IQSEC2: variants seen among roughly 807,000 people sequenced by gnomAD.
The protein encoded by IQSEC2 is IQ motif and SEC7 domain-containing protein 2.
In IQSEC2, 6 loss-of-function variants were observed where a neutral mutation model predicts 74.6. The ratio of observed to expected loss-of-function variants is 0.08; its 90% CI spans 0.04 to 0.16. The LOEUF (loss-of-function observed/expected upper bound fraction) is 0.16, where lower values mean the gene tolerates loss of function less well. Ranked by LOEUF, IQSEC2 falls within the 10% of genes least tolerant of loss-of-function variation. IQSEC2 has a pLI of 1.00. For missense variants in IQSEC2, 734 were observed against 1,306.2 expected (o/e 0.56, Z 6.75); for synonymous variants, 494 against 544.5 (o/e 0.91, Z 1.29).
At chrX:53,241,688 T>TCCACACA (rs1438889726) in intron 10 of IQSEC2, 96 bp downstream of exon 10, 4 of 1,138,883 alleles carry the variant, frequency 3.5e-6, no homozygotes, top group South Asian at 1.9e-5. Context: ...CCCGCCACAC[T>TCCACACA]CCACACACCA....
chrX:53,279,369 G>C, intron 2 of IQSEC2: 1 of 405,508 alleles, frequency 2.5e-6, no homozygotes, highest in Non-Finnish European at 4.3e-6. Flanking sequence ...ATTTTTTTAA[G>C]GAAGGACAAA....
At chrX:53,265,035 G>C (rs782229387) in intron 2 of IQSEC2, among the ~76,000 whole-genome samples, 7 of 111,327 alleles carry the variant, frequency 6.3e-5, no homozygotes, top group Middle Eastern at 9.2e-3. Context: ...CAAAGGGCTA[G>C]GATTACAGGT....
intron 8 of IQSEC2, among the ~76,000 whole-genome samples, chrX:53,244,304 C>G (rs782460137): frequency 9.1e-6 from 1 of 110,222 alleles, no homozygotes; most frequent in Non-Finnish European, 1.9e-5. Context: ...GCAGGTGGAT[C>G]GCTCGAGCCC....
Position 53,250,925 on chromosome X carries a change from G to C in IQSEC2, c.1651C>G (p.Leu551Val). The C allele has an allele frequency of 1.7e-6, 2 of 1,209,409 alleles. No homozygotes were observed. The highest frequency in any genetic ancestry group is 2.2e-6 in the Non-Finnish European group (2 of 893,989). ...GGCACTGGTGGAGGAACTGGCGGGA[G>C]AGGGGCTGGCGCCCAGAACTCGGGC... Reference protein sequence around the residue: ...GRPEFWAPAPLPPVPPPVPSG... With the variant: ...GRPEFWAPAPVPPVPPPVPSG... Residue 551 changes from leucine to valine, a missense_variant, in exon 5 of 15, where the codon CTC (leucine) becomes GTC (valine). Leu to Val is a conservative substitution (Grantham distance 32). Coordinates refer to ENST00000642864, the MANE Select transcript of IQSEC2 (RefSeq NM_001111125.3).
Position 53,250,602 on chromosome X carries a change from TGGGGCTGGGGCTGGGCCTTCA to T in IQSEC2, c.1953_1973del (p.Glu652_Pro658del). Reference sequence around the variant, plus strand: ...TGGGGGCTGGTGGCAGGGGCCCTGGTGGGGCTGGGGCTGGGCCTTCAGGGGCTGGGTAGTGGCGGTGTGGGA... The same window carrying T: ...TGGGGGCTGGTGGCAGGGGCCCTGGTGGGGCTGGGTAGTGGCGGTGTGGGA... On this transcript the variant is annotated inframe_deletion, in exon 5 of 15. Transcript: ENST00000642864. The T allele has an allele frequency of 1.7e-6, 2 of 1,206,908 alleles. No homozygotes were observed. The highest frequency in any genetic ancestry group is 2.2e-6 in the Non-Finnish European group (2 of 892,729).
Position 53,235,128 on chromosome X carries a change from G to T in IQSEC2, c.3558C>A (p.Pro1186=), listed in dbSNP as rs2074107426. The T allele has an allele frequency of 8.8e-7, 1 of 1,131,717 alleles. No homozygotes were observed. Among genetic ancestry groups the T allele is most frequent in the Non-Finnish European group, 1.2e-6 (1 of 847,876 alleles). The allele number at this position is 1,131,717 out of a possible 1,213,427, so 93.3% of individuals were successfully genotyped here. ...PHQRMPPPPP[P]PPPEEYKSQR... ...GGCTCTTGTACTCCTCTGGCGGCGG[G>T]GGTGGGGGCGGAGGTGGCATCCTCT... The change falls in exon 15 of 15, where the codon CCC becomes CCA. Residue 1186 remains proline (P), a synonymous_variant. Coordinates refer to ENST00000642864, the MANE Select transcript of IQSEC2 (RefSeq NM_001111125.3).
rs941021830 is a variant in IQSEC2 at position 53,256,165 on chromosome X, A to G, written c.738-104T>C. The stretch of plus-strand genomic sequence containing the variant: ...CAGATCCCTGCCCCCCATCCCATCC[A>G]CCCCAGCTTCCTCACAGATATAGGG... On this transcript the variant is annotated intron_variant, in intron 2 of 14. Transcript: ENST00000642864. The G allele has an allele frequency of 8.7e-6, 7 of 807,736 alleles. No homozygotes were observed. In the Admixed American group the frequency reaches 1.6e-4, roughly 18 times the overall value. 66.6% of individuals were successfully genotyped at this position (807,736 alleles called of 1,213,427 possible). A position where few individuals can be genotyped will look rare whatever the true frequency, so the allele number is the denominator to read the frequency against.
intron 1 of IQSEC2, among the ~76,000 whole-genome samples, chrX:53,305,785 C>T (rs1199490376): frequency 9.0e-6 from 1 of 111,383 alleles, no homozygotes; most frequent in Non-Finnish European, 1.9e-5. Flanking sequence ...ACTTCATCTC[C>T]CATTCCAGCC....
rs1556861395 is a variant in IQSEC2 at position 53,243,480 on chromosome X, G to A, written c.2750-9C>T. 1 of 1,171,744 alleles carries A rather than the reference G, an allele frequency of 8.5e-7. No homozygotes were observed. The highest frequency in any genetic ancestry group is 1.1e-6 in the Non-Finnish European group (1 of 873,876). On this transcript the variant is annotated splice_polypyrimidine_tract_variant and intron_variant, in intron 8 of 14. Transcript: ENST00000642864. Reference sequence around the variant, plus strand: ...TTCACCATTGTCAACCCCTGGGGGAGGGAGTAACACAGGGATATGTCACAT... The same window carrying A: ...TTCACCATTGTCAACCCCTGGGGGAAGGAGTAACACAGGGATATGTCACAT...
chrX:53,295,330 C>T (rs2075139898), intron 1 of IQSEC2, among the ~76,000 whole-genome samples: 2 of 111,545 alleles, frequency 1.8e-5, no homozygotes, highest in Non-Finnish European at 3.8e-5. Flanking sequence ...TTTGGCCGGG[C>T]GCCATGGCTC....
At position 53,234,849 on chromosome X, in the gene IQSEC2, C is replaced by T. The variant is rs1405620315; in HGVS notation, c.3837G>A (p.Pro1279=). 5.5e-6 allele frequency: 6 copies of T among 1,091,110 alleles called. No individual in the cohort carries two copies. In the East Asian group the frequency reaches 1.1e-4, roughly 19 times the overall value. The allele number at this position is 1,091,110 out of a possible 1,213,427, so 89.9% of individuals were successfully genotyped here. ...AQYCQGPGPA[P]PPYLPPQQPS... is the part of the protein sequence containing the mutation. ...GCTGCTGGGGTGGGAGGTAGGGTGG[C>T]GGGGCAGGGCCCGGTCCTTGGCAAT... is the stretch of plus-strand genomic sequence containing the variant. Residue 1279 remains proline (P), a synonymous_variant, in exon 15 of 15, where the codon CCG becomes CCA. Coordinates refer to ENST00000642864, the MANE Select transcript of IQSEC2 (RefSeq NM_001111125.3).
In IQSEC2 at chrX:53,235,123, G is replaced by A. The variant is rs1556859319; in HGVS notation, c.3563C>T (p.Pro1188Leu). ...CCTCTGGCTCTTGTACTCCTCTGGC[G>A]GCGGGGGTGGGGGCGGAGGTGGCAT... ...QRMPPPPPPPPPEEYKSQRPV... is the reference protein window; with the variant it reads ...QRMPPPPPPPLPEEYKSQRPV... Residue 1188 changes from proline (P) to leucine (L), a missense_variant, in exon 15 of 15, where the codon CCG becomes CTG. Physicochemically the swap from Pro to Leu is moderately conservative, Grantham distance 98 (BLOSUM62 -3). This residue lies in a region of IQSEC2 where 249 missense variants were observed against 467.9 expected (regional missense o/e 0.53). Coordinates refer to ENST00000642864, the MANE Select transcript of IQSEC2 (RefSeq NM_001111125.3). 5.3e-6 allele frequency: 6 copies of A among 1,133,302 alleles called. No individual in the cohort carries two copies. The highest frequency in any genetic ancestry group is 1.9e-5 in the South Asian group (1 of 52,095). The allele number at this position is 1,133,302 out of a possible 1,213,427, so 93.4% of individuals were successfully genotyped here.
chrX:53,306,860 A>G (rs2075267292), intron 1 of IQSEC2, among the ~76,000 whole-genome samples: 2 of 111,166 alleles, frequency 1.8e-5, no homozygotes, highest in South Asian at 3.8e-4. Context: ...GCAGCTGAGG[A>G]GGGAGACAGT....
chrX:53,255,514 C>T (rs782364110), intron 3 of IQSEC2, among the ~76,000 whole-genome samples: 1 of 111,843 alleles, frequency 8.9e-6, no homozygotes, highest in Admixed American at 9.5e-5. Context: ...TGTGTTCTTC[C>T]TGTTAGACTG....
At chrX:53,238,119 G>A (rs782137079) in intron 12 of IQSEC2, 26 bp downstream of exon 12, 1 of 1,186,829 alleles carries the variant, frequency 8.4e-7, no homozygotes, top group Non-Finnish European at 1.1e-6. Context: ...AGGAGAGCAG[G>A]GAGGAGACAT....
chrX:53,288,701 A>G (rs1329603387), intron 2 of IQSEC2, among the ~76,000 whole-genome samples: 1 of 112,081 alleles, frequency 8.9e-6, no homozygotes, highest in Non-Finnish European at 1.9e-5. Context: ...GCATTGCTTT[A>G]CTTTAAGTTC....
intron 2 of IQSEC2, among the ~76,000 whole-genome samples, chrX:53,270,859 T>G (rs1295429819): frequency 9.0e-6 from 1 of 110,858 alleles, no homozygotes; most frequent in African/African-American, 3.3e-5. Flanking sequence ...ACTCCAGTCC[T>G]CTCTTCCTCC....
chrX:53,310,129 C>T (rs1041649559), intron 1 of IQSEC2, among the ~76,000 whole-genome samples: 25 of 111,533 alleles, frequency 2.2e-4, no homozygotes, highest in African/African-American at 7.5e-4. Context: ...GTGGCTCACG[C>T]TTATAATCCC....
At chrX:53,289,227 T>G (rs1309014674) in intron 2 of IQSEC2, among the ~76,000 whole-genome samples, 1 of 109,810 alleles carries the variant, frequency 9.1e-6, no homozygotes, top group Admixed American at 9.6e-5. Context: ...ACAAACAGAT[T>G]GTCCAGTCAC....
Sources: allele counts gnomAD v4.1 joint callset (sites outside exome capture counted in the v4.1 genomes callset), GRCh38; gene constraint gnomAD v4.1.1; regional missense constraint gnomAD v4.1.1; transcripts MANE v1.5; gene names NCBI Gene and HGNC (gene_info 2026-07-23, HGNC 2026-07-21).